Variants in FSTL4 observed in about 807,000 individuals in gnomAD.
The protein encoded by FSTL4 is follistatin like 4, also known as follistatin-related protein 4.
FSTL4 carries 28 observed loss-of-function variants against 78.2 expected under a neutral mutation model. That is an observed-to-expected ratio of 0.36 (90% confidence interval 0.27 to 0.49). The LOEUF (loss-of-function observed/expected upper bound fraction) is 0.49, where lower values mean the gene tolerates loss of function less well. Among genes scored for constraint, FSTL4 ranks in the 20% least tolerant of loss-of-function variants. FSTL4 has a pLI of 0.98. For synonymous variants in FSTL4, 422 were observed against 440.5 expected (o/e 0.96, Z 0.53); for missense variants, 922 against 1,084.9 (o/e 0.85, Z 2.11).
At chr5:133,200,231 C>A (rs1238605337) in intron 15 of FSTL4, among the ~76,000 whole-genome samples, 1 of 152,252 alleles carries the variant, frequency 6.6e-6, no homozygotes, top group African/African-American at 2.4e-5. Context: ...GAAAAGAGTT[C>A]TATATCCTTG....
intron 3 of FSTL4, among the ~76,000 whole-genome samples, chr5:133,422,625 T>C (rs569116882): frequency 6.6e-6 from 1 of 151,854 alleles, no homozygotes; most frequent in African/African-American, 2.4e-5. Flanking sequence ...CGTGTCTAAG[T>C]GGGGAAAATC....
At chr5:133,674,290 C>T in the FSTL4 span, among the ~76,000 whole-genome samples, 14 of 152,110 alleles carry the variant, frequency 9.2e-5, no homozygotes, top group Non-Finnish European at 1.8e-4. Flanking sequence ...CAACAATTTC[C>T]CCCTCTGCGA....
In FSTL4 at chr5:133,227,292, G is replaced by T. The variant is rs185299852; in HGVS notation, c.1016-1473C>A. Among the ~76,000 whole-genome samples, 555 of 152,320 alleles carry T rather than the reference G, an allele frequency of 3.6e-3. 9 individuals are homozygous for T. Among genetic ancestry groups the T allele is most frequent in the Non-Finnish European group, 9.6e-4 (65 of 68,028 alleles). On this transcript the variant is annotated intron_variant, in intron 8 of 15. Transcript: ENST00000265342. ...AGCCTGTCACAAGTCAGGCCACTAG[G>T]GGTGGAGGAGGTCCACGGAGCTCCA...
rs765178579 is a variant in FSTL4 at position 133,225,656 on chromosome 5, A to T, written c.1177+2T>A. 6.3e-7 allele frequency: 1 copy of T among 1,580,376 alleles called. No individual in the cohort carries two copies. The highest frequency in any genetic ancestry group is 8.6e-7 in the Non-Finnish European group (1 of 1,164,040). On this transcript the variant is annotated splice_donor_variant, in intron 9 of 15. Coordinates refer to ENST00000265342, the MANE Select transcript of FSTL4 (RefSeq NM_015082.2). LOFTEE classifies it high-confidence loss of function. The surrounding 1 kb of genome is among the most constrained non-coding windows in gnomAD (Gnocchi z 4.6). ...TAGACGTCTACCAAGGGCAGTTCTT[A>T]CCTAAAAGGGAGAGCTGTTTGGACA...
chr5:133,517,482 CACA>C (rs1561453880), intron 3 of FSTL4, among the ~76,000 whole-genome samples: 93 of 90,834 alleles, frequency 1.0e-3, no homozygotes, highest in African/African-American at 3.7e-3. Context: ...ACACACACCA[CACA>C]CACACACACA....
chr5:133,305,639 C>T (rs1282894683), intron 6 of FSTL4, among the ~76,000 whole-genome samples: 1 of 152,174 alleles, frequency 6.6e-6, no homozygotes, highest in African/African-American at 2.4e-5. Context: ...TGGCAAGCTC[C>T]CCATGGGCAG....
chr5:133,318,249 G>A (rs1403173430), intron 4 of FSTL4, among the ~76,000 whole-genome samples: 1 of 152,232 alleles, frequency 6.6e-6, no homozygotes, highest in East Asian at 1.9e-4. Context: ...TTGCCTGGTA[G>A]GATATTGATT....
the FSTL4 span, among the ~76,000 whole-genome samples, chr5:133,746,002 C>A: frequency 6.6e-6 from 1 of 152,176 alleles, no homozygotes; most frequent in African/African-American, 2.4e-5. Context: ...TAAAACTCTC[C>A]TTTCAAAGAA....
At chr5:133,339,487 C>T (rs1398480755) in intron 4 of FSTL4, among the ~76,000 whole-genome samples, 3 of 152,244 alleles carry the variant, frequency 2.0e-5, no homozygotes, top group South Asian at 2.1e-4. Flanking sequence ...CCCCTCAGAA[C>T]ATCGATCATC....
At chr5:133,548,147 G>T (rs989600376) in intron 3 of FSTL4, among the ~76,000 whole-genome samples, 2 of 152,122 alleles carry the variant, frequency 1.3e-5, no homozygotes, top group South Asian at 2.1e-4. Context: ...ACAATAAAAT[G>T]GTAGTCAAAA....
intron 3 of FSTL4, among the ~76,000 whole-genome samples, chr5:133,566,792 T>C (rs545178347): frequency 6.6e-6 from 1 of 152,360 alleles, no homozygotes; most frequent in African/African-American, 2.4e-5. Context: ...TTTTTCACAG[T>C]GGCATCTCTT....
the FSTL4 span, among the ~76,000 whole-genome samples, chr5:133,797,281 G>A: frequency 6.6e-6 from 1 of 152,220 alleles, no homozygotes; most frequent in African/African-American, 2.4e-5. Context: ...CCAAGTTTAG[G>A]TGGATTCATG....
chr5:133,210,579 G>A (rs1253481271), intron 13 of FSTL4, among the ~76,000 whole-genome samples: 4 of 151,688 alleles, frequency 2.6e-5, no homozygotes, highest in Admixed American at 2.0e-4. Flanking sequence ...TGCAACCTCC[G>A]CCTCCCAGGC....
chr5:133,477,229 C>T (rs1051793970), intron 3 of FSTL4, among the ~76,000 whole-genome samples: 8 of 152,118 alleles, frequency 5.3e-5, no homozygotes, highest in South Asian at 2.1e-4. Flanking sequence ...AAAATATATT[C>T]TTCAAATCTG....
chr5:133,698,259 G>A, the FSTL4 span, among the ~76,000 whole-genome samples: 4 of 152,296 alleles, frequency 2.6e-5, no homozygotes, highest in African/African-American at 9.6e-5. Flanking sequence ...AGAAGCCAGG[G>A]GCTGCCAGAA....
At chr5:133,406,779 T>C (rs1756374129) in intron 3 of FSTL4, among the ~76,000 whole-genome samples, 1 of 152,250 alleles carries the variant, frequency 6.6e-6, no homozygotes, top group Non-Finnish European at 1.5e-5. Flanking sequence ...GATGCTCATT[T>C]AATCCTCCTT....
At chr5:133,504,148 T>C (rs549660597) in intron 3 of FSTL4, among the ~76,000 whole-genome samples, 1 of 152,036 alleles carries the variant, frequency 6.6e-6, no homozygotes, top group Non-Finnish European at 1.5e-5. Context: ...CAATTCAAGA[T>C]GAGATTTGGG....
intron 4 of FSTL4, among the ~76,000 whole-genome samples, chr5:133,350,477 C>T (rs890631104): frequency 6.6e-6 from 1 of 152,242 alleles, no homozygotes; most frequent in Non-Finnish European, 1.5e-5. Flanking sequence ...ACTACCTCCC[C>T]TGGTTCTTCA....
chr5:133,379,683 A>C (rs1755519067), intron 4 of FSTL4, among the ~76,000 whole-genome samples: 1 of 152,242 alleles, frequency 6.6e-6, no homozygotes, highest in Non-Finnish European at 1.5e-5. Context: ...GAGAAAATAC[A>C]CTTTGATATG....
Sources: allele counts gnomAD v4.1 joint callset (sites outside exome capture counted in the v4.1 genomes callset), GRCh38; gene constraint gnomAD v4.1.1; non-coding constraint Gnocchi (gnomAD v3.1); transcripts MANE v1.5; gene names NCBI Gene and HGNC (gene_info 2026-07-23, HGNC 2026-07-21).